Variants in KCTD16 observed in about 807,000 individuals in gnomAD.
The protein encoded by KCTD16 is BTB/POZ domain-containing protein KCTD16.
A neutral mutation model predicts 33.2 loss-of-function variants in KCTD16; 13 were observed. The ratio of observed to expected loss-of-function variants is 0.39; its 90% CI spans 0.25 to 0.62. The LOEUF (loss-of-function observed/expected upper bound fraction) is 0.62. Among genes scored for constraint, KCTD16 ranks in the 20% least tolerant of loss-of-function variants. The pLI is 0.50. For missense variants in KCTD16, 441 were observed against 525.1 expected (o/e 0.84, Z 1.57); for synonymous variants, 197 against 195.3 (o/e 1.01, Z -0.07).
chr5:144,225,334 T>G (rs1455080256), intron 3 of KCTD16, among the ~76,000 whole-genome samples: 1 of 152,138 alleles, frequency 6.6e-6, no homozygotes, highest in Non-Finnish European at 1.5e-5. Context: ...TCTGACAATC[T>G]GTCCTCAGTT....
intron 3 of KCTD16, chr5:144,385,350 G>T (rs931018991): frequency 1.3e-5 from 2 of 152,116 alleles, no homozygotes; most frequent in African/African-American, 4.8e-5. Context: ...ATATGCATTT[G>T]TTACTTGTAT....
intron 3 of KCTD16, among the ~76,000 whole-genome samples, chr5:144,224,348 G>A (rs1228984665): frequency 2.8e-5 from 4 of 142,042 alleles, no homozygotes; most frequent in Non-Finnish European, 4.6e-5. Context: ...AAAACCCAAG[G>A]TTGGTATATT....
intron 3 of KCTD16, among the ~76,000 whole-genome samples, chr5:144,369,950 G>C (rs1751928393): frequency 6.6e-6 from 1 of 152,048 alleles, no homozygotes; most frequent in Non-Finnish European, 1.5e-5. Flanking sequence ...AAAATAATGT[G>C]TCAATGAAAA....
intron 3 of KCTD16, among the ~76,000 whole-genome samples, chr5:144,325,401 A>C (rs993249249): frequency 1.3e-5 from 2 of 152,076 alleles, no homozygotes; most frequent in South Asian, 4.1e-4. Flanking sequence ...TGCTCCCAGG[A>C]TACGGTCTAA....
intron 3 of KCTD16, among the ~76,000 whole-genome samples, chr5:144,472,310 A>G (rs369927696): frequency 2.6e-5 from 4 of 152,320 alleles, no homozygotes; most frequent in African/African-American, 9.6e-5. Flanking sequence ...TGACTCCAGG[A>G]AGACTGTGGC....
rs1754608143 is a variant in KCTD16, at chr5:144,476,959, T to C, written c.*2845T>C. 1 of 152,180 alleles carries C rather than the reference T, an allele frequency of 6.6e-6. No homozygotes were observed. Among genetic ancestry groups the C allele is most frequent in the South Asian group, 2.1e-4 (1 of 4,826 alleles). 9.4% of individuals were successfully genotyped at this position (152,180 alleles called of 1,614,324 possible). A position where few individuals can be genotyped will look rare whatever the true frequency, so the allele number is the denominator to read the frequency against. On this transcript the variant is annotated 3_prime_UTR_variant, in exon 4 of 4. Transcript: ENST00000512467. ...TAAATTGCTAATATAAAGAAGTTAGTAGTATTGAGTGGATACAATGAATGG... is the reference window on the plus strand; with the variant it reads ...TAAATTGCTAATATAAAGAAGTTAGCAGTATTGAGTGGATACAATGAATGG...
intron 3 of KCTD16, among the ~76,000 whole-genome samples, chr5:144,239,984 A>G (rs1463366631): frequency 6.6e-6 from 1 of 152,140 alleles, no homozygotes; most frequent in Non-Finnish European, 1.5e-5. Context: ...AGTGCTTTGT[A>G]TATGCCAGAC....
intron 3 of KCTD16, among the ~76,000 whole-genome samples, chr5:144,370,933 A>G (rs78918669): frequency 1.3e-5 from 2 of 152,212 alleles, no homozygotes; most frequent in African/African-American, 4.8e-5. Flanking sequence ...TTTACCATTA[A>G]AGTAATGGCA....
At chr5:144,172,324 C>T (rs6872273) in intron 1 of KCTD16, among the ~76,000 whole-genome samples, 68,687 of 152,004 alleles carry the variant, frequency 0.45, 16,410 homozygotes, top group African/African-American at 0.61. Context: ...ATAAATGTGA[C>T]ATTTTGATAC....
chr5:144,229,187 C>A (rs535545019), intron 3 of KCTD16, among the ~76,000 whole-genome samples: 1 of 152,204 alleles, frequency 6.6e-6, no homozygotes, highest in East Asian at 1.9e-4. Context: ...AAAGTCAAGG[C>A]AGAAGAGCTC....
intron 3 of KCTD16, among the ~76,000 whole-genome samples, chr5:144,403,151 A>G (rs1752739810): frequency 1.3e-5 from 2 of 152,340 alleles, no homozygotes; most frequent in African/African-American, 2.4e-5. Context: ...GTTATCTCCC[A>G]TCTCAAGATC....
At chr5:144,325,209 C>T (rs1375791504) in intron 3 of KCTD16, among the ~76,000 whole-genome samples, 1 of 152,172 alleles carries the variant, frequency 6.6e-6, no homozygotes, top group African/African-American at 2.4e-5. Flanking sequence ...CATGCACAGA[C>T]ACACATATAC....
Position 144,474,344 on chromosome 5 carries a change from T to TAA in KCTD16, c.*230_*231insAA, listed in dbSNP as rs1754548780. 2 of 475,956 alleles carry TAA rather than the reference T, an allele frequency of 4.2e-6. No individual in the cohort carries two copies. Among genetic ancestry groups the TAA allele is most frequent in the Non-Finnish European group, 7.5e-6 (2 of 267,236 alleles). 29.5% of individuals were successfully genotyped at this position (475,956 alleles called of 1,614,324 possible). On this transcript the variant is annotated 3_prime_UTR_variant, in exon 4 of 4. Coordinates refer to ENST00000512467, the MANE Select transcript of KCTD16 (RefSeq NM_020768.4). The stretch of plus-strand genomic sequence containing the variant: ...TACAAGAAAATCTTTTTTAGTTATT[T>TAA]GTTTGTTTACTTCGTCCCATGTGCT...
chr5:144,203,451 T>C (rs1057210279), intron 2 of KCTD16, among the ~76,000 whole-genome samples: 3 of 152,118 alleles, frequency 2.0e-5, no homozygotes, highest in Non-Finnish European at 4.4e-5. Flanking sequence ...TCCTGAAGAG[T>C]CAGTGGTCTA....
intron 3 of KCTD16, among the ~76,000 whole-genome samples, chr5:144,472,373 G>C (rs987645953): frequency 3.3e-5 from 5 of 152,174 alleles, no homozygotes; most frequent in Non-Finnish European, 7.3e-5. Flanking sequence ...AAGTTGCTTT[G>C]TGCCATGATT....
At chr5:144,371,410 G>C (rs1423732868) in intron 3 of KCTD16, among the ~76,000 whole-genome samples, 1 of 152,036 alleles carries the variant, frequency 6.6e-6, no homozygotes, top group African/African-American at 2.4e-5. Context: ...GACTGTTTTG[G>C]GATTTGAGAG....
intron 3 of KCTD16, among the ~76,000 whole-genome samples, chr5:144,344,678 T>C (rs1315214464): frequency 3.3e-5 from 5 of 151,224 alleles, no homozygotes; most frequent in South Asian, 2.1e-4. Flanking sequence ...CCAGTTAGAA[T>C]GGCAATCATT....
At chr5:144,220,940 C>CAAA (rs748978902) in intron 3 of KCTD16, among the ~76,000 whole-genome samples, 2,032 of 99,526 alleles carry the variant, frequency 0.02, 62 homozygotes, top group African/African-American at 0.069. Flanking sequence ...GACTACGTCT[C>CAAA]AAAAAAAAAA....
intron 3 of KCTD16, among the ~76,000 whole-genome samples, chr5:144,402,987 C>G (rs1290918824): frequency 6.6e-6 from 1 of 152,156 alleles, no homozygotes; most frequent in African/African-American, 2.4e-5. Flanking sequence ...TTTACTTTTT[C>G]CCACTTTTGG....
Sources: allele counts gnomAD v4.1 joint callset (sites outside exome capture counted in the v4.1 genomes callset), GRCh38; gene constraint gnomAD v4.1.1; transcripts MANE v1.5; gene names NCBI Gene and HGNC (gene_info 2026-07-23, HGNC 2026-07-21).